CSNK1D: variants seen among roughly 807,000 people sequenced by gnomAD.
CSNK1D encodes casein kinase 1 delta.
A neutral mutation model predicts 46.6 loss-of-function variants in CSNK1D; 16 were observed. The ratio of observed to expected loss-of-function variants is 0.34; its 90% confidence interval spans 0.23 to 0.52. CSNK1D has a LOEUF of 0.52. CSNK1D is among the 20% of genes least tolerant of loss of function. CSNK1D has a pLI of 0.95. For synonymous variants in CSNK1D, 276 were observed against 228.2 expected, an observed-to-expected ratio of 1.21 and a Z score of -1.89; for missense variants, 398 against 578.4, an observed-to-expected ratio of 0.69 and a Z score of 3.20.
At chr17:82,244,976 C>A (rs1028270911) in intron 8 of CSNK1D, 145 bp from the exon 9 acceptor site, 11 of 1,011,324 alleles carry the variant, frequency 1.1e-5, no homozygotes, top group Non-Finnish European at 1.7e-5. Context: ...CCGCCACGCA[C>A]AGGGGCCTCT....
In CSNK1D at chr17:82,252,179, G is replaced by A. The variant is rs932839425; in HGVS notation, c.736+255C>T. 3.9e-5 allele frequency among the ~76,000 whole-genome samples: 6 copies of A among 152,192 alleles called. No homozygotes were observed. Among genetic ancestry groups the A allele is most frequent in the South Asian group, 2.1e-4 (1 of 4,832 alleles). On this transcript the variant is annotated intron_variant, in intron 5 of 8. Coordinates refer to ENST00000314028, the MANE Select transcript of CSNK1D (RefSeq NM_001893.6). This position sits in a 1 kb window ranked among gnomAD's most constrained non-coding sequence, Gnocchi z 4.6. ...CCAGCCACTTGGGGCCCTGAGGCTC[G>A]GGCCTGCCTTGCCTGCCATCTCTCC...
rs908919010 is a variant in CSNK1D at position 82,249,847 on chromosome 17, C to A, written c.886-245G>T. On this transcript the variant is annotated intron_variant, in intron 6 of 8. Coordinates refer to ENST00000314028, the MANE Select transcript of CSNK1D (RefSeq NM_001893.6). The surrounding 1 kb of genome is among the most constrained non-coding windows in gnomAD (Gnocchi z 6.7). ...AAAAACCCCACTCGCCATGGCATCT[C>A]CCTGTGGGCTCAGAACTTCCTTAAA... 1 of 1,425,454 alleles carries A rather than the reference C, an allele frequency of 7.0e-7. No individual in the cohort carries two copies. The highest frequency in any genetic ancestry group is 9.1e-7 in the Non-Finnish European group (1 of 1,093,614). The allele number at this position is 1,425,454 out of a possible 1,614,324, so 88.3% of individuals were successfully genotyped here. A position where few individuals can be genotyped will look rare whatever the true frequency, so the allele number is the denominator to read the frequency against.
rs1293980107 is a variant in CSNK1D, at chr17:82,252,893, G to C, written c.565+123C>G. 1 of 931,040 alleles carries C rather than the reference G, an allele frequency of 1.1e-6. No individual in the cohort carries two copies. The allele number at this position is 931,040 out of a possible 1,614,324, so 57.7% of individuals were successfully genotyped here. ...CTGGCAGTCACGAGCCAGCCTGTCT[G>C]CCGCAAAGGTCTGATGACACGCTTG... On this transcript the variant is annotated intron_variant, in intron 4 of 8. Transcript: ENST00000314028. This position sits in a 1 kb window ranked among gnomAD's most constrained non-coding sequence, Gnocchi z 4.6.
chr17:82,253,448 C>A (rs992631434), intron 3 of CSNK1D: 2 of 593,746 alleles, frequency 3.4e-6, no homozygotes, highest in African/African-American at 1.8e-5. Flanking sequence ...CCACCCTCCA[C>A]AGGCCTAGGC....
In CSNK1D at chr17:82,261,881, C is replaced by T. The variant is rs190400745; in HGVS notation, c.187+3805G>A. 5.3e-5 allele frequency among the ~76,000 whole-genome samples: 8 copies of T among 152,366 alleles called. No homozygotes were observed. In the East Asian group the frequency reaches 1.3e-3, roughly 26 times the overall value. ...GTCACCCACTGGCCCGGGTTCTACACACGTACTCCCCTCTTCCCTCCCTCA... is the reference window on the plus strand; with the variant it reads ...GTCACCCACTGGCCCGGGTTCTACATACGTACTCCCCTCTTCCCTCCCTCA... On this transcript the variant is annotated intron_variant, in intron 2 of 8. Coordinates refer to ENST00000314028, the MANE Select transcript of CSNK1D (RefSeq NM_001893.6).
Position 82,248,382 on chromosome 17 carries a change from G to C in CSNK1D, c.1197+493C>G. 2.0e-6 allele frequency: 2 copies of C among 1,001,354 alleles called. No homozygotes were observed. Among genetic ancestry groups the C allele is most frequent in the Non-Finnish European group, 2.4e-6 (2 of 838,496 alleles). 62.0% of individuals were successfully genotyped at this position (1,001,354 alleles called of 1,614,324 possible). A position where few individuals can be genotyped will look rare whatever the true frequency, so the allele number is the denominator to read the frequency against. On this transcript the variant is annotated intron_variant, in intron 8 of 8. Transcript: ENST00000314028. This position sits in a 1 kb window ranked among gnomAD's most constrained non-coding sequence, Gnocchi z 4.1. ...CGTCCAAGGGAAGACAGGTGAGGCCGTCAAAAGAAGGAAAGCCTCGTTGCA... is the reference window on the plus strand; with the variant it reads ...CGTCCAAGGGAAGACAGGTGAGGCCCTCAAAAGAAGGAAAGCCTCGTTGCA...
intron 8 of CSNK1D, chr17:82,245,709 A>T (rs567101816): frequency 4.1e-6 from 2 of 486,852 alleles, no homozygotes; most frequent in African/African-American, 3.9e-5. Flanking sequence ...GGCACACGGA[A>T]CGCAGTCACG....
In CSNK1D at chr17:82,273,482, G is replaced by C. The variant is rs1479930998; in HGVS notation, c.-101C>G. 7.0e-7 allele frequency: 1 copy of C among 1,434,730 alleles called. No homozygotes were observed. Among genetic ancestry groups the C allele is most frequent in the Admixed American group, 1.9e-5 (1 of 52,626 alleles). The allele number at this position is 1,434,730 out of a possible 1,614,324, so 88.9% of individuals were successfully genotyped here. A position where few individuals can be genotyped will look rare whatever the true frequency, so the allele number is the denominator to read the frequency against. On this transcript the variant is annotated 5_prime_UTR_variant, in exon 1 of 9. Coordinates refer to ENST00000314028, the MANE Select transcript of CSNK1D (RefSeq NM_001893.6). The surrounding 1 kb of genome is among the most constrained non-coding windows in gnomAD (Gnocchi z 5.1). ...TGCCGCTACTGCGGGTCCGGCTCCC[G>C]GCTCCGCCCCCCTCACGGCCCCGCT...
downstream of CSNK1D, among the ~76,000 whole-genome samples, chr17:82,240,853 A>G (rs982588186): frequency 1.3e-5 from 2 of 152,064 alleles, no homozygotes; most frequent in Admixed American, 6.5e-5. Context: ...GCTGAGTTCT[A>G]CTACCTCCTC....
intron 8 of CSNK1D, chr17:82,246,446 T>C: frequency 8.7e-7 from 1 of 1,150,294 alleles, no homozygotes; most frequent in Middle Eastern, 4.1e-4. Flanking sequence ...GGGCAGGAGT[T>C]GATCAAAGCG....
Position 82,252,666 on chromosome 17 carries a change from C to T in CSNK1D, c.566-62G>A, listed in dbSNP as rs1206496297. 6.5e-7 allele frequency: 1 copy of T among 1,541,650 alleles called. No individual in the cohort carries two copies. Among genetic ancestry groups the T allele is most frequent in the Non-Finnish European group, 8.8e-7 (1 of 1,136,412 alleles). On this transcript the variant is annotated intron_variant, in intron 4 of 8. Transcript: ENST00000314028. This position sits in a 1 kb window ranked among gnomAD's most constrained non-coding sequence, Gnocchi z 4.6. Reference sequence around the variant, plus strand: ...TGCGTGCTCACGTCAAAGCAAAAGACCCGGCTGGCCGTTCCAGTGGAGACT... The same window carrying T: ...TGCGTGCTCACGTCAAAGCAAAAGATCCGGCTGGCCGTTCCAGTGGAGACT...
Position 82,273,262 on chromosome 17 carries a change from G to A in CSNK1D, c.76+44C>T, listed in dbSNP as rs761483340. On this transcript the variant is annotated intron_variant, in intron 1 of 8. Coordinates refer to ENST00000314028, the MANE Select transcript of CSNK1D (RefSeq NM_001893.6). The surrounding 1 kb of genome is among the most constrained non-coding windows in gnomAD (Gnocchi z 5.1). ...ATCGCGCTTGGTCTTGGCAGCCGCA[G>A]GGCCCGGGTCTTCGGGCGGCGGGCG... 2.5e-5 allele frequency: 39 copies of A among 1,572,580 alleles called. 1 individual carries two copies. The South Asian group carries it at 3.6e-4, about 15-fold the overall frequency.
Position 82,273,463 on chromosome 17 carries a change from T to G in CSNK1D, c.-82A>C. 6.5e-7 allele frequency: 1 copy of G among 1,548,410 alleles called. No homozygotes were observed. The highest frequency in any genetic ancestry group is 8.8e-7 in the Non-Finnish European group (1 of 1,137,826). On this transcript the variant is annotated 5_prime_UTR_variant, in exon 1 of 9. Coordinates refer to ENST00000314028, the MANE Select transcript of CSNK1D (RefSeq NM_001893.6). The surrounding 1 kb of genome is among the most constrained non-coding windows in gnomAD (Gnocchi z 5.1). ...TGGGAGGCGGCGCCGCTGCTGCCGC[T>G]ACTGCGGGTCCGGCTCCCGGCTCCG...
rs1178824020 is a variant in CSNK1D at position 82,249,564 on chromosome 17, G to A, written c.924C>T (p.Arg308=). 1.3e-6 allele frequency: 2 copies of A among 1,553,862 alleles called. No homozygotes were observed. The highest frequency in any genetic ancestry group is 2.4e-5 in the South Asian group (2 of 84,646). The change falls in exon 7 of 9, where the codon CGC becomes CGT. Residue 308 remains arginine (R), a synonymous_variant. Coordinates refer to ENST00000314028, the MANE Select transcript of CSNK1D (RefSeq NM_001893.6). This position sits in a 1 kb window ranked among gnomAD's most constrained non-coding sequence, Gnocchi z 6.7. ...GTCTCAGCCGCTCCTCTCGGTCCCT[G>A]CGCTCCCGCTCGGCGTCATCGGCGG... ...SRAADDAERE[R]RDREERLRHS...
In CSNK1D at chr17:82,251,248, C is replaced by G. The variant is rs2051000158; in HGVS notation, c.885+131G>C. The G allele has an allele frequency of 9.0e-7, 1 of 1,108,462 alleles. No homozygotes were observed. Among genetic ancestry groups the G allele is most frequent in the East Asian group, 2.5e-5 (1 of 39,524 alleles). 68.7% of individuals were successfully genotyped at this position (1,108,462 alleles called of 1,614,324 possible). On this transcript the variant is annotated intron_variant, in intron 6 of 8. Coordinates refer to ENST00000314028, the MANE Select transcript of CSNK1D (RefSeq NM_001893.6). This position sits in a 1 kb window ranked among gnomAD's most constrained non-coding sequence, Gnocchi z 4.5. Reference sequence around the variant, plus strand: ...CACTCAGTCCAGGTCCTGCCCACTACACACTTGCCCTTCACAACCAGAGAC... The same window carrying G: ...CACTCAGTCCAGGTCCTGCCCACTAGACACTTGCCCTTCACAACCAGAGAC...
At position 82,249,786 on chromosome 17, in the gene CSNK1D, G is replaced by A. The variant is rs531679707; in HGVS notation, c.886-184C>T. 1.9e-5 allele frequency: 27 copies of A among 1,455,866 alleles called. No individual in the cohort carries two copies. The African/African-American group carries it at 3.1e-4, about 17-fold the overall frequency. 90.2% of individuals were successfully genotyped at this position (1,455,866 alleles called of 1,614,324 possible). ...GATGACAGCATCATCCCCACAAGGGGTCAGAGCCAGGCCTCTCAGCTCCCC... is the reference window on the plus strand; with the variant it reads ...GATGACAGCATCATCCCCACAAGGGATCAGAGCCAGGCCTCTCAGCTCCCC... On this transcript the variant is annotated intron_variant, in intron 6 of 8. Transcript: ENST00000314028. This position sits in a 1 kb window ranked among gnomAD's most constrained non-coding sequence, Gnocchi z 6.7.
At chr17:82,246,228 T>C in intron 8 of CSNK1D, 1 of 1,497,204 alleles carries the variant, frequency 6.7e-7, no homozygotes, top group East Asian at 2.5e-5. Flanking sequence ...ATGAGAGTGG[T>C]GCCCACTCCT....
downstream of CSNK1D, chr17:82,240,059 T>A: frequency 1.6e-6 from 2 of 1,233,766 alleles, no homozygotes; most frequent in Non-Finnish European, 2.0e-6. Context: ...ATGTCCCTGC[T>A]CCTCTGCAAT....
rs2051450367 is a variant in CSNK1D, at chr17:82,265,670, A to C, written c.187+16T>G. The C allele has an allele frequency of 6.3e-7, 1 of 1,581,148 alleles. No homozygotes were observed. On this transcript the variant is annotated intron_variant, in intron 2 of 8. Transcript: ENST00000314028. ...AACAGAACCCTGGTGTTGCTCTGTG[A>C]CTGGTAAAGACCTACCTCCTCCCTG...
Sources: gnomAD v4.1 joint callset for allele counts (sites outside exome capture counted in the v4.1 genomes callset) on GRCh38, gnomAD v4.1.1 for gene constraint, Gnocchi (gnomAD v3.1) non-coding constraint, MANE v1.5 for transcripts, NCBI Gene and HGNC (gene_info 2026-07-23, HGNC 2026-07-21) for gene names.